The following GLMN variants were observed in gnomAD, a reference collection of about 807,000 sequenced individuals.
GLMN encodes the protein glomulin.
In GLMN, 75 loss-of-function variants were observed where a neutral mutation model predicts 87.8. The observed-to-expected ratio is 0.85, with a 90% confidence interval of 0.71 to 1.04. GLMN has a LOEUF of 1.04. Among genes scored for constraint, GLMN ranks in the 50% least tolerant of loss-of-function variants. The pLI, the probability that GLMN is intolerant of heterozygous loss-of-function variation, is 0.00. For missense variants in GLMN, 588 were observed against 658.8 expected (o/e 0.89, Z 1.18); for synonymous variants, 206 against 221.6 (o/e 0.93, Z 0.63).
In GLMN at chr1:92,262,517, A is replaced by G. The variant is rs376855547; in HGVS notation, c.1473+346T>C. ...ATATTAAAATATCAGATGATTTTAT[A>G]CAGCTCATGAGCTATAGGTGGAGGA... On this transcript the variant is annotated intron_variant, in intron 16 of 18. Transcript: ENST00000370360. Among the ~76,000 whole-genome samples the G allele has an allele frequency of 3.9e-4, 60 of 152,378 alleles. No homozygotes were observed. In the East Asian group the frequency reaches 0.011, roughly 27 times the overall value.
chr1:92,300,420 C>A (rs531498486), upstream of GLMN, among the ~76,000 whole-genome samples: 2 of 152,148 alleles, frequency 1.3e-5, no homozygotes, highest in Middle Eastern at 3.4e-3. Context: ...CTACTCCAGG[C>A]TTTAAGAAAA....
At chr1:92,336,554 T>C in the GLMN span, 1 of 627,074 alleles carries the variant, frequency 1.6e-6, no homozygotes, top group Non-Finnish European at 2.8e-6. Flanking sequence ...TACAGTATTC[T>C]ATTTTCTCCT....
the GLMN span, among the ~76,000 whole-genome samples, chr1:92,311,637 T>C: frequency 6.6e-6 from 1 of 152,318 alleles, no homozygotes; most frequent in African/African-American, 2.4e-5. Context: ...TTGACCTAAT[T>C]TGGTCTTTCT....
the GLMN span, among the ~76,000 whole-genome samples, chr1:92,322,799 C>A: frequency 0.048 from 7,289 of 151,556 alleles, 604 homozygotes; most frequent in African/African-American, 0.17. Flanking sequence ...ATCGCTTGAA[C>A]CTAGGGGGCA....
At chr1:92,256,880 A>G (rs1041954444) in intron 16 of GLMN, among the ~76,000 whole-genome samples, 3 of 151,764 alleles carry the variant, frequency 2.0e-5, no homozygotes, top group Admixed American at 6.6e-5. Flanking sequence ...CTCCTATTCA[A>G]CATAGTATTG....
chr1:92,270,245 C>T lies in GLMN; in HGVS notation c.924-469G>A, dbSNP rs115910654. Among the ~76,000 whole-genome samples the T allele has an allele frequency of 2.5e-3, 388 of 152,304 alleles. 3 individuals are homozygous for T. Among genetic ancestry groups the T allele is most frequent in the South Asian group, 9.3e-3 (45 of 4,824 alleles). ...CCATCCAGTTGGTAGCACTTTTTTA[C>T]AGGAGCCCTAGCAAGTTAATATACA... On this transcript the variant is annotated intron_variant, in intron 8 of 18. Transcript: ENST00000370360.
intron 4 of GLMN, among the ~76,000 whole-genome samples, chr1:92,290,772 C>T (rs1448091673): frequency 6.6e-6 from 1 of 152,214 alleles, no homozygotes; most frequent in Non-Finnish European, 1.5e-5. Context: ...ATAACTCATA[C>T]AGATGGAGCT....
At chr1:92,261,510 G>C (rs1206987499) in intron 16 of GLMN, among the ~76,000 whole-genome samples, 1 of 152,156 alleles carries the variant, frequency 6.6e-6, no homozygotes, top group African/African-American at 2.4e-5. Context: ...CACTTGGGCA[G>C]AATAGTGGTT....
chr1:92,270,506 G>A (rs1467589751), intron 8 of GLMN, among the ~76,000 whole-genome samples: 1 of 152,106 alleles, frequency 6.6e-6, no homozygotes, highest in Non-Finnish European at 1.5e-5. Context: ...TTTCATACAT[G>A]GTGAACATGC....
rs766022940 is a variant in GLMN at position 92,247,922 on chromosome 1, T to G, written c.1541A>C (p.Asn514Thr). ...NFLKPLHIGL[N>T]MSKAHYEAEI... Reference sequence around the variant, plus strand: ...TGCTTCATAATGTGCTTTTGACATATTAAGTCCTATATGAAGTGGCTTTAA... The same window carrying G: ...TGCTTCATAATGTGCTTTTGACATAGTAAGTCCTATATGAAGTGGCTTTAA... The change falls in exon 17 of 19, where the codon AAT becomes ACT. Residue 514 changes from asparagine to threonine, a missense_variant. Asn to Thr is a moderately conservative substitution (Grantham distance 65). Transcript: ENST00000370360. The G allele has an allele frequency of 2.1e-6, 3 of 1,415,806 alleles. No homozygotes were observed. Among genetic ancestry groups the G allele is most frequent in the Admixed American group, 3.3e-5 (2 of 59,716 alleles). 87.7% of individuals were successfully genotyped at this position (1,415,806 alleles called of 1,614,324 possible). A position where few individuals can be genotyped will look rare whatever the true frequency, so the allele number is the denominator to read the frequency against.
At chr1:92,342,320 G>C in the GLMN span, among the ~76,000 whole-genome samples, 1 of 152,206 alleles carries the variant, frequency 6.6e-6, no homozygotes, top group South Asian at 2.1e-4. Context: ...ACTAAACCAG[G>C]AGCAGGCCTG....
At chr1:92,344,697 C>T in the GLMN span, among the ~76,000 whole-genome samples, 1 of 152,112 alleles carries the variant, frequency 6.6e-6, no homozygotes, top group Non-Finnish European at 1.5e-5. Context: ...TTCAATTGCT[C>T]ACATCAACAG....
At chr1:92,269,594 C>A in intron 9 of GLMN, 129 bp downstream of exon 9, 1 of 693,052 alleles carries the variant, frequency 1.4e-6, no homozygotes, top group Admixed American at 2.2e-5. Flanking sequence ...AATTATTTGC[C>A]TCGCTGTTTT....
At chr1:92,299,348 G>A (rs1401537439), upstream of GLMN, among the ~76,000 whole-genome samples, 1 of 152,276 alleles carries the variant, frequency 6.6e-6, no homozygotes, top group Non-Finnish European at 1.5e-5. Context: ...TTACGCCAGT[G>A]TTCCAAGATT....
intron 3 of GLMN, among the ~76,000 whole-genome samples, chr1:92,295,734 A>AGG (rs905679712): frequency 6.6e-6 from 1 of 152,180 alleles, no homozygotes; most frequent in Non-Finnish European, 1.5e-5. Context: ...ATAAAAGCTG[A>AGG]CTTACTTTTG....
the GLMN span, among the ~76,000 whole-genome samples, chr1:92,329,389 C>A: frequency 6.6e-6 from 1 of 152,198 alleles, no homozygotes; most frequent in Non-Finnish European, 1.5e-5. Flanking sequence ...CTGGCAACCA[C>A]AGGCCTCACC....
the GLMN span, among the ~76,000 whole-genome samples, chr1:92,311,901 A>AG: frequency 6.6e-6 from 1 of 152,202 alleles, no homozygotes; most frequent in Non-Finnish European, 1.5e-5. Flanking sequence ...GCCTTCAGCA[A>AG]GTATTAATCT....
At chr1:92,305,980 G>T in the GLMN span, among the ~76,000 whole-genome samples, 1 of 152,106 alleles carries the variant, frequency 6.6e-6, no homozygotes, top group Non-Finnish European at 1.5e-5. Flanking sequence ...CAGCATGTAT[G>T]TATAAAAATG....
At chr1:92,360,295 GGT>G in the GLMN span, among the ~76,000 whole-genome samples, 282 of 152,326 alleles carry the variant, frequency 1.9e-3, 1 homozygote, top group African/African-American at 6.4e-3. Context: ...GCAATTAGGT[GGT>G]GTGGGTAACC....
Sources: gnomAD v4.1 joint callset for allele counts (sites outside exome capture counted in the v4.1 genomes callset) on GRCh38, gnomAD v4.1.1 for gene constraint, MANE v1.5 for transcripts, NCBI Gene and HGNC (gene_info 2026-07-23, HGNC 2026-07-21) for gene names.